The following MAF variants were observed in gnomAD, a reference collection of about 807,000 sequenced individuals.
MAF encodes transcription factor Maf.
MAF carries 10 observed loss-of-function variants against 22.0 expected under a neutral mutation model. The ratio of observed to expected loss-of-function variants is 0.45; its 90% confidence interval spans 0.28 to 0.77. MAF has a LOEUF of 0.77. Ranked by LOEUF, MAF falls within the 30% of genes least tolerant of loss-of-function variation. The pLI, the probability that MAF is intolerant of heterozygous loss-of-function variation, is 0.12. For synonymous variants in MAF, 337 were observed against 255.8 expected, an observed-to-expected ratio of 1.32 and a Z score of -3.03; for missense variants, 544 against 548.4, an observed-to-expected ratio of 0.99 and a Z score of 0.08.
the MAF span, among the ~76,000 whole-genome samples, chr16:79,512,981 G>A: frequency 6.6e-6 from 1 of 152,228 alleles, no homozygotes; most frequent in Non-Finnish European, 1.5e-5. Context: ...GGTGCTGACT[G>A]CTCAACTCAT....
At chr16:79,589,754 C>G (rs1329153182), downstream of MAF, among the ~76,000 whole-genome samples, 1 of 152,164 alleles carries the variant, frequency 6.6e-6, no homozygotes, top group Non-Finnish European at 1.5e-5. Context: ...GTCCTTTTGA[C>G]TTTTTAAACC....
chr16:79,461,335 TGTGA>T, the MAF span, among the ~76,000 whole-genome samples: 1 of 152,190 alleles, frequency 6.6e-6, no homozygotes, highest in African/African-American at 2.4e-5. Flanking sequence ...ACCAGTCTAT[TGTGA>T]GTATTTCTGC....
At chr16:79,574,717 G>A in the MAF span, among the ~76,000 whole-genome samples, 4 of 152,254 alleles carry the variant, frequency 2.6e-5, no homozygotes, top group African/African-American at 9.6e-5. Context: ...GAGGCTTCTA[G>A]ACACCAACTT....
the MAF span, among the ~76,000 whole-genome samples, chr16:79,443,991 G>A: frequency 2.6e-5 from 4 of 152,130 alleles, no homozygotes; most frequent in African/African-American, 7.2e-5. Flanking sequence ...TAAAGAGGTA[G>A]AGAATTAATT....
chr16:79,438,133 G>A, the MAF span, among the ~76,000 whole-genome samples: 13 of 152,038 alleles, frequency 8.6e-5, no homozygotes, highest in African/African-American at 3.1e-4. Flanking sequence ...AGGGGGAAGA[G>A]AGTGGGGGCA....
the MAF span, among the ~76,000 whole-genome samples, chr16:79,483,663 C>T: frequency 6.6e-6 from 1 of 152,052 alleles, no homozygotes; most frequent in Non-Finnish European, 1.5e-5. Flanking sequence ...AAAGATCCTG[C>T]TAGAAGAGGG....
the MAF span, among the ~76,000 whole-genome samples, chr16:79,310,875 G>T: frequency 6.6e-6 from 1 of 152,224 alleles, no homozygotes; most frequent in Non-Finnish European, 1.5e-5. Flanking sequence ...TATTATTGAA[G>T]TTGGTACCAA....
At chr16:79,486,558 C>G in the MAF span, among the ~76,000 whole-genome samples, 2 of 152,166 alleles carry the variant, frequency 1.3e-5, no homozygotes, top group Non-Finnish European at 2.9e-5. Flanking sequence ...AAGATTCTCC[C>G]GCATAAGAAG....
At chr16:79,357,303 G>A in the MAF span, among the ~76,000 whole-genome samples, 1 of 145,678 alleles carries the variant, frequency 6.9e-6, no homozygotes, top group Non-Finnish European at 1.5e-5. Context: ...ACAACAATTA[G>A]CTGGCCTGTG....
chr16:79,333,805 C>T, the MAF span, among the ~76,000 whole-genome samples: 2 of 152,168 alleles, frequency 1.3e-5, no homozygotes, highest in African/African-American at 2.4e-5. Flanking sequence ...TGGATCCCAG[C>T]ATCTCACCTG....
the MAF span, among the ~76,000 whole-genome samples, chr16:79,553,828 C>G: frequency 6.6e-6 from 1 of 152,146 alleles, no homozygotes; most frequent in Non-Finnish European, 1.5e-5. Flanking sequence ...GTGGCTCATG[C>G]CTGTAATCCC....
the MAF span, among the ~76,000 whole-genome samples, chr16:79,392,588 A>G: frequency 1.3e-5 from 2 of 152,066 alleles, no homozygotes; most frequent in African/African-American, 2.4e-5. Flanking sequence ...CGGCTTTCCT[A>G]TATTACCTTA....
the MAF span, among the ~76,000 whole-genome samples, chr16:79,273,576 T>A: frequency 9.2e-5 from 14 of 152,208 alleles, no homozygotes; most frequent in Non-Finnish European, 1.8e-4. Context: ...TTTCTTGCCT[T>A]TTCCAGCTTC....
chr16:79,597,518 C>T (rs1187164900), intron 1 of MAF: 15 of 1,023,820 alleles, frequency 1.5e-5, no homozygotes, highest in Non-Finnish European at 1.8e-5. Flanking sequence ...TCAATGTTTG[C>T]CAGGTTAAAT....
the MAF span, among the ~76,000 whole-genome samples, chr16:79,219,395 C>CA: frequency 6.6e-6 from 1 of 151,752 alleles, no homozygotes; most frequent in Admixed American, 6.6e-5. Flanking sequence ...AGCTTTTGTA[C>CA]AAAAAATTAG....
chr16:79,552,329 T>C, the MAF span, among the ~76,000 whole-genome samples: 2 of 152,090 alleles, frequency 1.3e-5, no homozygotes, highest in East Asian at 1.9e-4. Flanking sequence ...TCGTCCAGCC[T>C]TCCCAGTAGC....
chr16:79,544,811 A>G, the MAF span, among the ~76,000 whole-genome samples: 1 of 152,240 alleles, frequency 6.6e-6, no homozygotes, highest in East Asian at 1.9e-4. Flanking sequence ...AACAGACAAA[A>G]TACTAAAATA....
At chr16:79,385,085 G>C in the MAF span, among the ~76,000 whole-genome samples, 1 of 152,194 alleles carries the variant, frequency 6.6e-6, no homozygotes, top group Non-Finnish European at 1.5e-5. Context: ...TGCCTAGGGA[G>C]ATTGCTAGAC....
At chr16:79,209,857 G>A in the MAF span, among the ~76,000 whole-genome samples, 3 of 152,108 alleles carry the variant, frequency 2.0e-5, no homozygotes, top group Non-Finnish European at 4.4e-5. Flanking sequence ...AGGGTTATTA[G>A]GAATAATAAT....
Sources: allele counts gnomAD v4.1 joint callset (sites outside exome capture counted in the v4.1 genomes callset), GRCh38; gene constraint gnomAD v4.1.1; transcripts MANE v1.5; gene names NCBI Gene and HGNC (gene_info 2026-07-23, HGNC 2026-07-21).